SLC25A21: variants seen among roughly 807,000 people sequenced by gnomAD.
SLC25A21 encodes solute carrier family 25 member 21.
SLC25A21 carries 47 observed loss-of-function variants against 43.8 expected under a neutral mutation model. The observed-to-expected ratio is 1.07, with a 90% CI of 0.85 to 1.37. SLC25A21 has a LOEUF of 1.37. Among genes scored for constraint, SLC25A21 ranks in the 40% most tolerant of loss-of-function variants. The pLI is 0.00. For missense variants in SLC25A21, 352 were observed against 350.2 expected (o/e 1.00, Z -0.04); for synonymous variants, 131 against 121.3 (o/e 1.08, Z -0.52).
chr14:36,942,149 A>G (rs1892576359), intron 1 of SLC25A21, among the ~76,000 whole-genome samples: 1 of 152,134 alleles, frequency 6.6e-6, no homozygotes, highest in Non-Finnish European at 1.5e-5. Context: ...AAGAGTTTGA[A>G]CTAAAAAAAA....
At chr14:36,984,281 A>G (rs983364198) in intron 1 of SLC25A21, among the ~76,000 whole-genome samples, 34 of 152,164 alleles carry the variant, frequency 2.2e-4, no homozygotes, top group African/African-American at 8.2e-4. Context: ...AAGAGTTGCA[A>G]CGACACTGAC....
intron 3 of SLC25A21, among the ~76,000 whole-genome samples, chr14:36,735,040 C>T (rs1291958161): frequency 1.3e-5 from 2 of 152,186 alleles, no homozygotes; most frequent in Non-Finnish European, 2.9e-5. Context: ...AGGGAACTAA[C>T]AAGCTCTGTG....
intron 1 of SLC25A21, among the ~76,000 whole-genome samples, chr14:37,038,045 T>C (rs1042152286): frequency 6.6e-6 from 1 of 152,236 alleles, no homozygotes; most frequent in Non-Finnish European, 1.5e-5. Flanking sequence ...TATACCCACA[T>C]ACTTTTTGTG....
chr14:37,091,480 G>T (rs1962585386), intron 1 of SLC25A21, among the ~76,000 whole-genome samples: 1 of 151,442 alleles, frequency 6.6e-6, no homozygotes, highest in Admixed American at 6.6e-5. Context: ...AATGGCTTGG[G>T]GGCCATTTTA....
At chr14:37,019,325 T>C (rs1054348223) in intron 1 of SLC25A21, among the ~76,000 whole-genome samples, 1 of 151,854 alleles carries the variant, frequency 6.6e-6, no homozygotes, top group African/African-American at 2.4e-5. Flanking sequence ...CTTATACGGC[T>C]GGCTCTTTCT....
intron 1 of SLC25A21, among the ~76,000 whole-genome samples, chr14:37,013,823 A>C (rs1433408621): frequency 1.3e-5 from 2 of 152,044 alleles, no homozygotes; most frequent in African/African-American, 4.8e-5. Context: ...CAAACCTCAG[A>C]GGCACTGCAG....
chr14:36,982,660 C>A (rs1035418130), intron 1 of SLC25A21, among the ~76,000 whole-genome samples: 1 of 151,920 alleles, frequency 6.6e-6, no homozygotes, highest in Non-Finnish European at 1.5e-5. Context: ...ATCAAAAATA[C>A]AAAAATTAGC....
chr14:36,734,380 G>C, intron 4 of SLC25A21, 127 bp downstream of exon 4: 1 of 579,324 alleles, frequency 1.7e-6, no homozygotes, highest in Non-Finnish European at 2.9e-6. Context: ...TAAAAATTAT[G>C]CTATAATTTC....
intron 1 of SLC25A21, among the ~76,000 whole-genome samples, chr14:36,935,932 G>C (rs573739026): frequency 1.3e-5 from 2 of 152,108 alleles, no homozygotes; most frequent in Non-Finnish European, 2.9e-5. Context: ...TGCAGGTTTA[G>C]AGTAAAATTC....
chr14:37,166,734 T>C (rs1277371490), intron 1 of SLC25A21, among the ~76,000 whole-genome samples: 1 of 152,212 alleles, frequency 6.6e-6, no homozygotes, highest in Non-Finnish European at 1.5e-5. Flanking sequence ...ATTTTCAATC[T>C]GGGCCTTGGA....
At chr14:37,132,197 T>G (rs2138907224) in intron 1 of SLC25A21, among the ~76,000 whole-genome samples, 1 of 152,266 alleles carries the variant, frequency 6.6e-6, no homozygotes, top group South Asian at 2.1e-4. Context: ...CATTAATCCA[T>G]TCATGAGGGT....
chr14:36,719,941 T>C (rs1343599731), intron 6 of SLC25A21, among the ~76,000 whole-genome samples: 4 of 152,134 alleles, frequency 2.6e-5, no homozygotes, highest in African/African-American at 7.2e-5. Context: ...CTCCAGTTCC[T>C]ATTATTCGGC....
At chr14:36,883,310 T>A (rs533474968) in intron 1 of SLC25A21, among the ~76,000 whole-genome samples, 8 of 152,266 alleles carry the variant, frequency 5.3e-5, no homozygotes, top group African/African-American at 1.9e-4. Flanking sequence ...AGGCCTTTGG[T>A]CTAGCTGTTC....
chr14:36,901,662 T>C (rs981532737), intron 1 of SLC25A21, among the ~76,000 whole-genome samples: 5 of 152,162 alleles, frequency 3.3e-5, no homozygotes, highest in Admixed American at 2.6e-4. Flanking sequence ...AGTGGAAAAT[T>C]GTATCTAACA....
chr14:36,807,082 C>CATAA (rs1203130542), intron 3 of SLC25A21: 57 of 152,336 alleles, frequency 3.7e-4, no homozygotes, highest in African/African-American at 1.2e-3. Context: ...TGGTGCCTAC[C>CATAA]ATAAAAGGAA....
chr14:36,958,856 A>C (rs1959413873), intron 1 of SLC25A21, among the ~76,000 whole-genome samples: 1 of 152,194 alleles, frequency 6.6e-6, no homozygotes, highest in South Asian at 2.1e-4. Context: ...CAGAAACAAG[A>C]CCACACTCTA....
intron 1 of SLC25A21, among the ~76,000 whole-genome samples, chr14:37,007,056 T>C (rs1477750126): frequency 6.6e-6 from 1 of 152,182 alleles, no homozygotes; most frequent in Non-Finnish European, 1.5e-5. Flanking sequence ...GAAGACACCA[T>C]AGGGTGATTA....
At chr14:36,881,655 A>G (rs889391059) in intron 1 of SLC25A21, among the ~76,000 whole-genome samples, 2 of 152,170 alleles carry the variant, frequency 1.3e-5, no homozygotes, top group Non-Finnish European at 2.9e-5. Flanking sequence ...AACTACATAG[A>G]CGGACTGATT....
chr14:37,024,974 T>C (rs974873351), intron 1 of SLC25A21, among the ~76,000 whole-genome samples: 5 of 152,118 alleles, frequency 3.3e-5, no homozygotes, highest in East Asian at 1.9e-4. Context: ...CTAAAAAAGA[T>C]ACACTGGATA....
Sources: gnomAD v4.1 joint callset for allele counts (sites outside exome capture counted in the v4.1 genomes callset) on GRCh38, gnomAD v4.1.1 for gene constraint, MANE v1.5 for transcripts, NCBI Gene and HGNC (gene_info 2026-07-23, HGNC 2026-07-21) for gene names.